Variants in RIC1 observed in about 807,000 individuals in gnomAD.
RIC1 encodes guanine nucleotide exchange factor subunit RIC1.
A neutral mutation model predicts 169.0 loss-of-function variants in RIC1; 88 were observed. That is an observed-to-expected ratio of 0.52 (90% confidence interval 0.44 to 0.62). The LOEUF is 0.62. RIC1 is among the 20% of genes least tolerant of loss of function. The probability of loss-of-function intolerance (pLI) is 0.00; values close to 1 mark genes in which losing one functional copy is unlikely to be tolerated. For missense variants in RIC1, 1,877 were observed against 1,725.5 expected (o/e 1.09, Z -1.56); for synonymous variants, 790 against 601.5 (o/e 1.31, Z -4.59).
chr9:5,707,695 A>G (rs1822679331), intron 3 of RIC1, among the ~76,000 whole-genome samples: 1 of 151,970 alleles, frequency 6.6e-6, no homozygotes, highest in African/African-American at 2.4e-5. Context: ...TTCTGATTTT[A>G]CCACAGCCAC....
intron 6 of RIC1, among the ~76,000 whole-genome samples, chr9:5,729,361 T>C (rs952743157): frequency 5.3e-5 from 8 of 152,100 alleles, no homozygotes; most frequent in Admixed American, 2.6e-4. Context: ...TTAAGTAGGT[T>C]TTGAACCACT....
intron 3 of RIC1, among the ~76,000 whole-genome samples, chr9:5,709,587 C>G (rs1044803721): frequency 6.6e-6 from 1 of 152,194 alleles, no homozygotes; most frequent in Non-Finnish European, 1.5e-5. Context: ...AGTAAATGCT[C>G]TATTCCTATT....
intron 12 of RIC1, chr9:5,748,668 C>G (rs1306293003): frequency 6.6e-6 from 1 of 152,592 alleles, no homozygotes; most frequent in Non-Finnish European, 1.5e-5. Flanking sequence ...TCTGCCTAGC[C>G]AGGTCTGTGT....
chr9:5,718,456 C>T (rs1823400377), intron 4 of RIC1, among the ~76,000 whole-genome samples: 1 of 152,154 alleles, frequency 6.6e-6, no homozygotes, highest in South Asian at 2.1e-4. Context: ...TAGTCATTTA[C>T]AGCATTTATA....
At position 5,713,901 on chromosome 9, in the gene RIC1, G is replaced by A. The variant is rs765844029; in HGVS notation, c.338G>A (p.Ser113Asn). The change falls in exon 4 of 26, where the codon AGT (serine) becomes AAT (asparagine). Residue 113 changes from serine (S) to asparagine (N), a missense_variant. Physicochemically the swap from Ser to Asn is conservative, Grantham distance 46. This residue lies in a region of RIC1 where 1,104 missense variants were observed against 992.0 expected (regional missense o/e 1.11). Transcript: ENST00000414202. Reference protein sequence around the residue: ...YLYEPVYPKGSPQMKGTPHFK... With the variant: ...YLYEPVYPKGNPQMKGTPHFK... ...CTCTATGCTGTTTGTTTTAGAGGAA[G>A]TCCACAAATGAAGGGGACACCCCAT... 9 of 1,611,284 alleles carry A rather than the reference G, an allele frequency of 5.6e-6. No homozygotes were observed. In the Admixed American group the frequency reaches 8.3e-5, roughly 15 times the overall value.
chr9:5,645,541 A>C (rs1216150277), intron 1 of RIC1, among the ~76,000 whole-genome samples: 1 of 152,166 alleles, frequency 6.6e-6, no homozygotes, highest in African/African-American at 2.4e-5. Context: ...TACCCTGTAA[A>C]TGGTAATTCC....
At chr9:5,720,058 T>G (rs1009322058) in intron 4 of RIC1, 124 bp from the exon 5 acceptor site, 8 of 653,168 alleles carry the variant, frequency 1.2e-5, no homozygotes, top group African/African-American at 3.7e-5. Flanking sequence ...TGCAGATAAA[T>G]GGAGATGTTT....
At chr9:5,726,798 C>G (rs1482601252) in intron 6 of RIC1, among the ~76,000 whole-genome samples, 3 of 152,168 alleles carry the variant, frequency 2.0e-5, no homozygotes, top group African/African-American at 4.8e-5. Context: ...GATTTTATTT[C>G]TCCTTCACTT....
intron 5 of RIC1, 125 bp from the exon 6 acceptor site, chr9:5,720,489 T>A: frequency 2.5e-6 from 3 of 1,181,044 alleles, no homozygotes; most frequent in Non-Finnish European, 3.6e-6. Context: ...AAGGACAGTT[T>A]AATTATTTAG....
At chr9:5,771,791 A>G (rs576673839) in intron 23 of RIC1, among the ~76,000 whole-genome samples, 15 of 152,294 alleles carry the variant, frequency 9.8e-5, no homozygotes, top group African/African-American at 3.1e-4. Context: ...AGTTAATAAT[A>G]TAGTGGGTTC....
intron 3 of RIC1, among the ~76,000 whole-genome samples, chr9:5,708,011 G>A (rs747543327): frequency 3.3e-5 from 5 of 151,738 alleles, no homozygotes; most frequent in African/African-American, 4.8e-5. Flanking sequence ...TTGTTGGTTT[G>A]ATTTTTTTGC....
chr9:5,656,546 T>TA (rs1055326364), intron 1 of RIC1, 37 bp from the exon 2 acceptor site: 4 of 1,050,274 alleles, frequency 3.8e-6, no homozygotes, highest in Middle Eastern at 4.3e-4. Context: ...GAGATATTGA[T>TA]AAAAAATACA....
At chr9:5,735,459 T>C (rs570369695) in intron 7 of RIC1, among the ~76,000 whole-genome samples, 3 of 152,364 alleles carry the variant, frequency 2.0e-5, no homozygotes, top group South Asian at 2.1e-4. Flanking sequence ...AGCTACATGA[T>C]TGGGAAGTAC....
rs768050148 is a variant in RIC1, at chr9:5,763,094, C to T, written c.2113-46C>T. On this transcript the variant is annotated intron_variant, in intron 18 of 25. Coordinates refer to ENST00000414202, the MANE Select transcript of RIC1 (RefSeq NM_020829.4). The surrounding 1 kb of genome is among the most constrained non-coding windows in gnomAD (Gnocchi z 5.2). ...TAGTACCTAGGAACTTAAGAACCTG[C>T]AGATTTAATAGGAAAACAACTTGAT... 3 of 1,580,540 alleles carry T rather than the reference C, an allele frequency of 1.9e-6. No homozygotes were observed. In the African/African-American group the frequency reaches 4.1e-5, roughly 21 times the overall value.
At chr9:5,771,576 G>A (rs145543690) in intron 23 of RIC1, among the ~76,000 whole-genome samples, 1 of 146,826 alleles carries the variant, frequency 6.8e-6, no homozygotes, top group African/African-American at 2.4e-5. Context: ...AATTCTACTT[G>A]CATTTTTTTT....
intron 3 of RIC1, among the ~76,000 whole-genome samples, chr9:5,702,919 G>T (rs1822324833): frequency 6.6e-6 from 1 of 152,124 alleles, no homozygotes; most frequent in African/African-American, 2.4e-5. Context: ...AGGGGAAATT[G>T]CCCTCATGAT....
chr9:5,726,724 C>A (rs1034342364), intron 6 of RIC1, among the ~76,000 whole-genome samples: 1 of 152,166 alleles, frequency 6.6e-6, no homozygotes, highest in Non-Finnish European at 1.5e-5. Context: ...GTGCTTCCTT[C>A]AGGAGCTCTT....
intron 2 of RIC1, among the ~76,000 whole-genome samples, chr9:5,683,264 C>A (rs548337222): frequency 6.6e-6 from 1 of 152,082 alleles, no homozygotes; most frequent in Non-Finnish European, 1.5e-5. Flanking sequence ...GTTTTTTCCC[C>A]GTCTTTGTGG....
At chr9:5,732,532 GT>G (rs34688720) in intron 7 of RIC1, 53 bp downstream of exon 7, 360,620 of 909,124 alleles carry the variant, frequency 0.4, 55,987 homozygotes, top group East Asian at 0.74. Flanking sequence ...AAAAATACTG[GT>G]TTTTTTTTTT....
Sources: gnomAD v4.1 joint callset for allele counts (sites outside exome capture counted in the v4.1 genomes callset) on GRCh38, gnomAD v4.1.1 for gene constraint, gnomAD v4.1.1 regional missense constraint, Gnocchi (gnomAD v3.1) non-coding constraint, MANE v1.5 for transcripts, NCBI Gene and HGNC (gene_info 2026-07-23, HGNC 2026-07-21) for gene names.